Variants in DGKB observed in about 807,000 individuals in gnomAD.
DGKB encodes 90 kDa diacylglycerol kinase.
DGKB carries 67 observed loss-of-function variants against 114.3 expected under a neutral mutation model. The ratio of observed to expected loss-of-function variants is 0.59; its 90% CI spans 0.48 to 0.72. DGKB has a LOEUF of 0.72. Ranked by LOEUF, DGKB falls within the 30% of genes least tolerant of loss-of-function variation. The pLI, the probability that DGKB is intolerant of heterozygous loss-of-function variation, is 0.00. For missense variants in DGKB, 907 were observed against 975.2 expected (o/e 0.93, Z 0.93); for synonymous variants, 398 against 323.1 (o/e 1.23, Z -2.49).
intron 23 of DGKB, among the ~76,000 whole-genome samples, chr7:14,293,267 G>T (rs1202295555): frequency 6.6e-6 from 1 of 152,068 alleles, no homozygotes; most frequent in Admixed American, 6.6e-5. Flanking sequence ...ATGTCAAGAA[G>T]AACAGTTTAC....
intron 23 of DGKB, among the ~76,000 whole-genome samples, chr7:14,249,756 T>G (rs1257808179): frequency 6.6e-6 from 1 of 152,120 alleles, no homozygotes; most frequent in African/African-American, 2.4e-5. Flanking sequence ...GTTTGTAATT[T>G]TTTTTATCTT....
At chr7:14,270,397 A>C (rs909793129) in intron 23 of DGKB, among the ~76,000 whole-genome samples, 3 of 152,114 alleles carry the variant, frequency 2.0e-5, no homozygotes, top group Non-Finnish European at 2.9e-5. Flanking sequence ...CTTCTAAGTC[A>C]CTGGTCAGCC....
In DGKB at chr7:14,397,195, A is replaced by G. The variant is rs111441273; in HGVS notation, c.1836-51804T>C. 6.4e-4 allele frequency among the ~76,000 whole-genome samples: 97 copies of G among 152,226 alleles called. 1 individual carries two copies. Among genetic ancestry groups the G allele is most frequent in the African/African-American group, 2.3e-3 (95 of 41,560 alleles). Reference sequence around the variant, plus strand: ...GAAAATTAGATTATTAGTATGAATAATTGTGTTGTACTATATGAAGAGCTA... The same window carrying G: ...GAAAATTAGATTATTAGTATGAATAGTTGTGTTGTACTATATGAAGAGCTA... On this transcript the variant is annotated intron_variant, in intron 21 of 25. Coordinates refer to ENST00000402815, the MANE Select transcript of DGKB (RefSeq NM_001350709.2).
intron 2 of DGKB, among the ~76,000 whole-genome samples, chr7:14,764,448 GT>G (rs1164425229): frequency 7.9e-5 from 12 of 151,818 alleles, no homozygotes; most frequent in African/African-American, 2.7e-4. Context: ...ATTTAACCCA[GT>G]AATACTCAAA....
At chr7:14,483,344 A>G (rs1783279285) in intron 20 of DGKB, among the ~76,000 whole-genome samples, 1 of 152,136 alleles carries the variant, frequency 6.6e-6, no homozygotes. Flanking sequence ...CATGTCCACA[A>G]ATGGAGAGAT....
chr7:14,154,177 CT>C (rs5882429), intron 25 of DGKB, among the ~76,000 whole-genome samples: 87,648 of 128,292 alleles, frequency 0.68, 30,553 homozygotes, highest in East Asian at 0.85. Context: ...AGAGTTTTGT[CT>C]TTTTTTTTTT....
chr7:14,880,714 A>G (rs1854090169), intron 1 of DGKB, among the ~76,000 whole-genome samples: 1 of 152,196 alleles, frequency 6.6e-6, no homozygotes, highest in African/African-American at 2.4e-5. Flanking sequence ...TCTTTTTAAC[A>G]AAATGCTTAA....
At chr7:14,837,412 A>T (rs1344234780) in intron 2 of DGKB, among the ~76,000 whole-genome samples, 1 of 152,208 alleles carries the variant, frequency 6.6e-6, no homozygotes, top group Admixed American at 6.5e-5. Context: ...TTTTGCTGGA[A>T]TTGGTGTCCC....
chr7:14,819,172 G>C (rs1052343729), intron 2 of DGKB, among the ~76,000 whole-genome samples: 1 of 151,910 alleles, frequency 6.6e-6, no homozygotes, highest in African/African-American at 2.4e-5. Flanking sequence ...AATACATACA[G>C]AGTACCTAGT....
intron 2 of DGKB, among the ~76,000 whole-genome samples, chr7:14,828,249 C>A (rs1163570557): frequency 6.6e-6 from 1 of 152,032 alleles, no homozygotes; most frequent in Non-Finnish European, 1.5e-5. Context: ...TAGCCTAGTG[C>A]CAAGCTCTGC....
chr7:14,347,468 T>A (rs1398041005), intron 21 of DGKB, among the ~76,000 whole-genome samples: 2 of 151,928 alleles, frequency 1.3e-5, no homozygotes, highest in Non-Finnish European at 2.9e-5. Context: ...ATGAAATCAA[T>A]ACCTCAAAGA....
intron 21 of DGKB, among the ~76,000 whole-genome samples, chr7:14,384,176 A>C (rs1041528619): frequency 2.6e-4 from 39 of 152,242 alleles, no homozygotes; most frequent in African/African-American, 9.2e-4. Context: ...TAAGACAATG[A>C]TAAATTTGAA....
intron 23 of DGKB, among the ~76,000 whole-genome samples, chr7:14,247,310 G>A (rs899726891): frequency 6.6e-6 from 1 of 152,112 alleles, no homozygotes; most frequent in African/African-American, 2.4e-5. Flanking sequence ...ATGCGGCAAT[G>A]AACATGAGAG....
chr7:14,507,398 C>A lies in DGKB; in HGVS notation c.1771-29173G>T, dbSNP rs1584458413. Among the ~76,000 whole-genome samples the A allele has an allele frequency of 1.3e-5, 2 of 152,110 alleles. 1 individual carries two copies. The highest frequency in any genetic ancestry group is 3.9e-4 in the East Asian group (2 of 5,170). On this transcript the variant is annotated intron_variant, in intron 20 of 25. Transcript: ENST00000402815. ...CCTGAGCATACTGTCAGAAATGCTC[C>A]AAAAATTCTTTAATGTGCCGTGTGA...
intron 2 of DGKB, among the ~76,000 whole-genome samples, chr7:14,776,100 C>G (rs1018227686): frequency 6.6e-6 from 1 of 152,026 alleles, no homozygotes; most frequent in Admixed American, 6.6e-5. Flanking sequence ...ATTACTCTTG[C>G]TAGCCAAAGA....
chr7:14,829,305 T>C (rs1846103182), intron 2 of DGKB, among the ~76,000 whole-genome samples: 1 of 152,166 alleles, frequency 6.6e-6, no homozygotes, highest in Non-Finnish European at 1.5e-5. Flanking sequence ...TCCCCTTAAA[T>C]GCCTTTGTGC....
chr7:14,318,494 C>T (rs1451895491), intron 23 of DGKB, among the ~76,000 whole-genome samples: 1 of 152,204 alleles, frequency 6.6e-6, no homozygotes, highest in Non-Finnish European at 1.5e-5. Context: ...ACAGACACTT[C>T]TCAAAAGAAG....
chr7:14,689,215 T>TTTTTTTTTTG (rs1563917847), intron 9 of DGKB, among the ~76,000 whole-genome samples: 2 of 136,656 alleles, frequency 1.5e-5, no homozygotes, highest in East Asian at 2.2e-4. Flanking sequence ...TTTTTTTTTT[T>TTTTTTTTTTG]TTTTTTTTTG....
At chr7:14,713,213 A>G (rs1308979462) in intron 6 of DGKB, among the ~76,000 whole-genome samples, 2 of 152,070 alleles carry the variant, frequency 1.3e-5, no homozygotes, top group African/African-American at 2.4e-5. Flanking sequence ...GCAAGTTTCT[A>G]TCTGTTTTCA....
Sources: gnomAD v4.1 joint callset for allele counts (sites outside exome capture counted in the v4.1 genomes callset) on GRCh38, gnomAD v4.1.1 for gene constraint, MANE v1.5 for transcripts, NCBI Gene and HGNC (gene_info 2026-07-23, HGNC 2026-07-21) for gene names.